The following FAM81A variants were observed in gnomAD, a reference collection of about 807,000 sequenced individuals.
FAM81A encodes the protein protein FAM81A.
Under a neutral mutation model 46.7 loss-of-function variants are expected in FAM81A, and 19 were observed. That is an observed-to-expected ratio of 0.41 (90% confidence interval 0.28 to 0.60). FAM81A has a LOEUF of 0.60. Ranked by LOEUF, FAM81A falls within the 20% of genes least tolerant of loss-of-function variation. The pLI is 0.34. For missense variants in FAM81A, 377 were observed against 453.5 expected (o/e 0.83, Z 1.53); for synonymous variants, 183 against 152.9 (o/e 1.20, Z -1.45).
At chr15:59,415,581 G>C (rs879367360) in intron 2 of FAM81A, among the ~76,000 whole-genome samples, 4 of 152,174 alleles carry the variant, frequency 2.6e-5, no homozygotes, top group Non-Finnish European at 4.4e-5. Flanking sequence ...GCCTCTAGAA[G>C]CTGGCAGAGG....
chr15:59,441,944 G>A (rs1399738821), intron 1 of FAM81A, among the ~76,000 whole-genome samples: 3 of 152,164 alleles, frequency 2.0e-5, no homozygotes, highest in African/African-American at 2.4e-5. Flanking sequence ...GGGCGCCCTC[G>A]CCCACTTGTA....
At chr15:59,414,234 G>A (rs1327583468) in intron 2 of FAM81A, among the ~76,000 whole-genome samples, 2 of 152,162 alleles carry the variant, frequency 1.3e-5, no homozygotes, top group African/African-American at 4.8e-5. Context: ...GATTATAGGT[G>A]TGAGCCACCA....
chr15:59,503,563 C>A (rs1328280679), intron 4 of FAM81A, among the ~76,000 whole-genome samples: 1 of 151,534 alleles, frequency 6.6e-6, no homozygotes, highest in Non-Finnish European at 1.5e-5. Context: ...TACTATAAGT[C>A]AATGTATTTA....
intron 3 of FAM81A, among the ~76,000 whole-genome samples, chr15:59,476,246 T>C (rs1246982283): frequency 2.0e-5 from 3 of 151,200 alleles, no homozygotes; most frequent in Non-Finnish European, 4.4e-5. Context: ...TTTTTTAGAC[T>C]GGGTCTTGCT....
At chr15:59,488,494 A>T (rs1183896780) in intron 3 of FAM81A, among the ~76,000 whole-genome samples, 1 of 152,224 alleles carries the variant, frequency 6.6e-6, no homozygotes, top group Non-Finnish European at 1.5e-5. Context: ...TTGTTTGCAG[A>T]TGATATGATC....
At chr15:59,429,351 GA>G (rs2081209710) in intron 2 of FAM81A, among the ~76,000 whole-genome samples, 1 of 152,114 alleles carries the variant, frequency 6.6e-6, no homozygotes, top group Non-Finnish European at 1.5e-5. Context: ...TTCATTATAA[GA>G]AATTTTCTTC....
intron 1 of FAM81A, among the ~76,000 whole-genome samples, chr15:59,400,258 A>C (rs555237844): frequency 1.4e-5 from 2 of 147,778 alleles, no homozygotes; most frequent in Non-Finnish European, 3.1e-5. Flanking sequence ...CGAGAAAGTC[A>C]GGAGTCAGCC....
chr15:59,511,949 C>G (rs866073238), intron 6 of FAM81A, among the ~76,000 whole-genome samples: 5 of 152,040 alleles, frequency 3.3e-5, no homozygotes, highest in African/African-American at 4.8e-5. Flanking sequence ...GCACCCGGCC[C>G]ATAACAGCAT....
chr15:59,521,487 G>A lies in FAM81A; in HGVS notation c.*109G>A. ...TTCAGGATTGTTCCATCCATGGCGT[G>A]CATGTGCCAAGAAATGTGTTTTTAT... On this transcript the variant is annotated 3_prime_UTR_variant, in exon 9 of 9. Coordinates refer to ENST00000288228, the MANE Select transcript of FAM81A (RefSeq NM_152450.3). 1 of 1,311,136 alleles carries A rather than the reference G, an allele frequency of 7.6e-7. No homozygotes were observed. The highest frequency in any genetic ancestry group is 1.0e-6 in the Non-Finnish European group (1 of 992,048). The allele number at this position is 1,311,136 out of a possible 1,614,324, so 81.2% of individuals were successfully genotyped here.
chr15:59,474,132 A>G (rs2081735373), intron 3 of FAM81A, among the ~76,000 whole-genome samples: 1 of 152,156 alleles, frequency 6.6e-6, no homozygotes, highest in Admixed American at 6.6e-5. Context: ...TGCCACTCTT[A>G]CTATAGCATT....
At chr15:59,501,385 G>A (rs1257249189) in intron 4 of FAM81A, among the ~76,000 whole-genome samples, 1 of 152,010 alleles carries the variant, frequency 6.6e-6, no homozygotes, top group Non-Finnish European at 1.5e-5. Flanking sequence ...TACTATTTTT[G>A]ACAATGCCCT....
rs563686158 is a variant in FAM81A, at chr15:59,405,588, C to A, written c.-78+3230C>A. Among the ~76,000 whole-genome samples, 13 of 152,094 alleles carry A rather than the reference C, an allele frequency of 8.5e-5. No homozygotes were observed. The South Asian group carries it at 2.7e-3, about 32-fold the overall frequency. On this transcript the variant is annotated intron_variant, in intron 2 of 4. Transcript: ENST00000558348. ...CCCTGGAGGCAGGGGCTGCAGTGAG[C>A]CGAGATCACGCCACTGCACACCAGC... is the stretch of plus-strand genomic sequence containing the variant.
intron 1 of FAM81A, 141 bp from the exon 2 acceptor site, chr15:59,458,409 A>G (rs1413065235): frequency 6.6e-6 from 4 of 603,252 alleles, no homozygotes; most frequent in African/African-American, 3.7e-5. Context: ...TATTTCATGT[A>G]TAAGATACAA....
chr15:59,495,860 G>T (rs1490814118), intron 4 of FAM81A, among the ~76,000 whole-genome samples: 1 of 151,886 alleles, frequency 6.6e-6, no homozygotes, highest in Non-Finnish European at 1.5e-5. Flanking sequence ...TTTTAAATTG[G>T]GTAATTGTCT....
At position 59,508,846 on chromosome 15, in the gene FAM81A, C is replaced by G; in HGVS notation, c.544-17C>G. 2 of 1,599,834 alleles carry G rather than the reference C, an allele frequency of 1.3e-6. No homozygotes were observed. Among genetic ancestry groups the G allele is most frequent in the African/African-American group, 2.7e-5 (2 of 74,626 alleles). On this transcript the variant is annotated splice_polypyrimidine_tract_variant and intron_variant, in intron 5 of 8. Coordinates refer to ENST00000288228, the MANE Select transcript of FAM81A (RefSeq NM_152450.3). ...AGACGTTAGATGTGATATTTATAAG[C>G]AAGATTTCTTTTCCAGATTTCTCAG...
At chr15:59,512,963 C>G (rs1430913132) in intron 6 of FAM81A, among the ~76,000 whole-genome samples, 5 of 152,188 alleles carry the variant, frequency 3.3e-5, no homozygotes, top group African/African-American at 1.2e-4. Context: ...ACCCAGTTAA[C>G]ATTTGAGGGC....
At chr15:59,495,149 C>T (rs2082020686) in intron 4 of FAM81A, among the ~76,000 whole-genome samples, 1 of 152,176 alleles carries the variant, frequency 6.6e-6, no homozygotes, top group South Asian at 2.1e-4. Flanking sequence ...ACGTTTTTAT[C>T]ATCCAAAAAG....
chr15:59,464,131 T>C (rs1222758278), intron 3 of FAM81A, among the ~76,000 whole-genome samples: 4 of 152,232 alleles, frequency 2.6e-5, no homozygotes, highest in Non-Finnish European at 5.9e-5. Flanking sequence ...ATCCGTGTTG[T>C]TGCAAAAGAC....
intron 4 of FAM81A, among the ~76,000 whole-genome samples, chr15:59,503,480 G>T (rs2082116866): frequency 6.6e-6 from 1 of 151,934 alleles, no homozygotes; most frequent in Admixed American, 6.6e-5. Flanking sequence ...CACATAACAT[G>T]TGGACACTTC....
Sources: allele counts gnomAD v4.1 joint callset (sites outside exome capture counted in the v4.1 genomes callset), GRCh38; gene constraint gnomAD v4.1.1; transcripts MANE v1.5; gene names NCBI Gene and HGNC (gene_info 2026-07-23, HGNC 2026-07-21).